The following CFAP47 variants were observed in gnomAD, a reference collection of about 807,000 sequenced individuals.
The protein encoded by CFAP47 is cilia and flagella associated protein 47, also known as cilia- and flagella-associated protein 47.
A neutral mutation model predicts 148.1 loss-of-function variants in CFAP47; 29 were observed. The observed-to-expected ratio is 0.20, with a 90% CI of 0.15 to 0.27. The LOEUF (loss-of-function observed/expected upper bound fraction) is 0.27, where lower values mean the gene tolerates loss of function less well. Among genes scored for constraint, CFAP47 ranks in the 10% least tolerant of loss-of-function variants. CFAP47 has a pLI of 1.00. For missense variants in CFAP47, 1,872 were observed against 1,697.5 expected, an observed-to-expected ratio of 1.10 and a Z score of -1.81; for synonymous variants, 664 against 577.3, an observed-to-expected ratio of 1.15 and a Z score of -2.15.
chrX:36,175,690 C>T (rs763974670), intron 39 of CFAP47, among the ~76,000 whole-genome samples: 11 of 112,141 alleles, frequency 9.8e-5, no homozygotes, highest in African/African-American at 3.2e-4. Flanking sequence ...GGGAGAACCA[C>T]TGTTTTCTTC....
intron 8 of CFAP47, among the ~76,000 whole-genome samples, chrX:35,966,040 T>A (rs1302820224): frequency 1.8e-5 from 2 of 109,642 alleles, no homozygotes; most frequent in Admixed American, 2.0e-4. Context: ...TTGCCAGTGT[T>A]CTCTTTCCTC....
chrX:36,288,999 C>CTTTTT (rs34230885), intron 51 of CFAP47, among the ~76,000 whole-genome samples: 75 of 66,354 alleles, frequency 1.1e-3, no homozygotes, highest in South Asian at 1.5e-3. Context: ...TTCTTTCATC[C>CTTTTT]TTTTTTTTTT....
chrX:36,234,401 T>C (rs1940421487), intron 46 of CFAP47, among the ~76,000 whole-genome samples: 1 of 112,236 alleles, frequency 8.9e-6, no homozygotes, highest in African/African-American at 3.2e-5. Flanking sequence ...TTCCAGTTGA[T>C]CGCATCGGCT....
chrX:36,281,187 C>T (rs1556003546), intron 50 of CFAP47, among the ~76,000 whole-genome samples: 2 of 111,930 alleles, frequency 1.8e-5, no homozygotes, highest in Admixed American at 1.9e-4. Context: ...GGGTGAGTAG[C>T]AGGGATGCAA....
intron 1 of CFAP47, among the ~76,000 whole-genome samples, chrX:35,924,311 A>G (rs751807554): frequency 9.4e-5 from 10 of 105,839 alleles, no homozygotes; most frequent in African/African-American, 3.6e-4. Context: ...ATATGTATAT[A>G]TGTACATGTA....
At chrX:36,250,558 G>C (rs1940678899) in intron 48 of CFAP47, among the ~76,000 whole-genome samples, 1 of 110,163 alleles carries the variant, frequency 9.1e-6, no homozygotes, top group Admixed American at 9.7e-5. Context: ...TGAGAGAATA[G>C]ATTTTTTGTT....
intron 1 of CFAP47, among the ~76,000 whole-genome samples, chrX:35,924,303 A>ATG (rs1569201811): frequency 2.0e-5 from 2 of 101,019 alleles, no homozygotes; most frequent in African/African-American, 8.7e-5. Context: ...GTGTACACAT[A>ATG]TGTATATATG....
chrX:36,235,097 C>T (rs1023376721), intron 46 of CFAP47, among the ~76,000 whole-genome samples: 1 of 111,434 alleles, frequency 9.0e-6, no homozygotes, highest in Non-Finnish European at 1.9e-5. Context: ...GTAGTCTGCC[C>T]GTTCTCAGAT....
Position 36,384,906 on chromosome X carries a change from T to A in CFAP47, c.9464T>A (p.Met3155Lys). The change falls in exon 64 of 64, where the codon ATG (methionine) becomes AAG (lysine). Residue 3155 changes from methionine (M) to lysine (K), a missense_variant. Coordinates refer to ENST00000378653, the MANE Select transcript of CFAP47 (RefSeq NM_001304548.2). ...IDATHKTHDN[M>K]PVRPHNFVRE... is the part of the protein sequence containing the mutation. The stretch of plus-strand genomic sequence containing the variant: ...GCTACTCACAAGACACATGACAACA[T>A]GCCAGTCCGTCCACATAATTTTGTC... 1 of 1,165,961 alleles carries A rather than the reference T, an allele frequency of 8.6e-7. No individual in the cohort carries two copies. Among genetic ancestry groups the A allele is most frequent in the African/African-American group, 1.8e-5 (1 of 56,274 alleles).
Position 36,323,818 on chromosome X carries a change from T to A in CFAP47, c.8443+4511T>A, listed in dbSNP as rs374108585. Among the ~76,000 whole-genome samples, 6 of 111,934 alleles carry A rather than the reference T, an allele frequency of 5.4e-5. No individual in the cohort carries two copies. The East Asian group carries it at 1.4e-3, about 26-fold the overall frequency. ...ATCTAGATGTAGTTATATGTTGACC[T>A]AGATTGGAGCTCTAGCCACTGAAAC... is the stretch of plus-strand genomic sequence containing the variant. On this transcript the variant is annotated intron_variant, in intron 57 of 63. Transcript: ENST00000378653.
intron 33 of CFAP47, among the ~76,000 whole-genome samples, chrX:36,123,754 C>T (rs1032119846): frequency 9.0e-6 from 1 of 111,366 alleles, no homozygotes; most frequent in Non-Finnish European, 1.9e-5. Context: ...TCGGGGACTC[C>T]AGGAGCCCAC....
intron 40 of CFAP47, among the ~76,000 whole-genome samples, chrX:36,183,037 T>C (rs1939768111): frequency 8.9e-6 from 1 of 112,660 alleles, no homozygotes; most frequent in Non-Finnish European, 1.9e-5. Context: ...TGATCAGGCA[T>C]GCTGGCTCAC....
intron 37 of CFAP47, among the ~76,000 whole-genome samples, chrX:36,152,453 G>T (rs975039524): frequency 1.7e-4 from 19 of 111,416 alleles, no homozygotes; most frequent in Non-Finnish European, 3.0e-4. Flanking sequence ...CTCCTTCCTT[G>T]ATGGGGTACA....
At chrX:36,237,641 T>G (rs1247360854) in intron 48 of CFAP47, among the ~76,000 whole-genome samples, 1 of 112,323 alleles carries the variant, frequency 8.9e-6, no homozygotes, top group Non-Finnish European at 1.9e-5. Context: ...ATATCCTTAT[T>G]TTTTATGAAG....
intron 39 of CFAP47, among the ~76,000 whole-genome samples, chrX:36,166,257 C>G (rs984546146): frequency 1.5e-4 from 16 of 110,165 alleles, no homozygotes; most frequent in South Asian, 7.7e-4. Context: ...AATGGTGTGC[C>G]TACCATACAT....
Position 36,373,732 on chromosome X carries a change from G to A in CFAP47, c.9186-5618G>A, listed in dbSNP as rs149487482. Among the ~76,000 whole-genome samples the A allele has an allele frequency of 5.6e-4, 63 of 111,625 alleles. 1 individual carries two copies. In the East Asian group the frequency reaches 0.016, roughly 27 times the overall value. On this transcript the variant is annotated intron_variant, in intron 62 of 63. Coordinates refer to ENST00000378653, the MANE Select transcript of CFAP47 (RefSeq NM_001304548.2). Reference sequence around the variant, plus strand: ...GCTTTTCATAAATGACCTTTATCATGGAGAGGAAATTTCCTTCTAAACTTA... The same window carrying A: ...GCTTTTCATAAATGACCTTTATCATAGAGAGGAAATTTCCTTCTAAACTTA...
intron 39 of CFAP47, among the ~76,000 whole-genome samples, chrX:36,173,501 C>G (rs1427365608): frequency 2.7e-5 from 3 of 111,366 alleles, no homozygotes; most frequent in Non-Finnish European, 5.6e-5. Flanking sequence ...TATGTTGTGT[C>G]TTTGTTCTCG....
intron 62 of CFAP47, chrX:36,374,707 T>A: frequency 2.7e-6 from 1 of 376,062 alleles, no homozygotes; most frequent in Non-Finnish European, 4.6e-6. Context: ...CCCATTAAGT[T>A]TTGTTTTGTT....
chrX:36,095,786 G>A (rs1292527191), intron 30 of CFAP47, among the ~76,000 whole-genome samples: 1 of 111,304 alleles, frequency 9.0e-6, no homozygotes, highest in Non-Finnish European at 1.9e-5. Context: ...CTAAAGGTTT[G>A]TCAACTTTGT....
Sources: allele counts gnomAD v4.1 joint callset (sites outside exome capture counted in the v4.1 genomes callset), GRCh38; gene constraint gnomAD v4.1.1; transcripts MANE v1.5; gene names NCBI Gene and HGNC (gene_info 2026-07-23, HGNC 2026-07-21).